CYBB: variants seen among roughly 807,000 people sequenced by gnomAD.
CYBB encodes NADPH oxidase 2.
A neutral mutation model predicts 46.5 loss-of-function variants in CYBB; 5 were observed. The observed-to-expected ratio is 0.11, with a 90% CI of 0.06 to 0.23. The LOEUF (loss-of-function observed/expected upper bound fraction) is 0.23, where lower values mean the gene tolerates loss of function less well. CYBB is among the 10% of genes least tolerant of loss of function. CYBB has a pLI of 1.00. For synonymous variants in CYBB, 183 were observed against 156.7 expected (o/e 1.17, Z -1.26); for missense variants, 307 against 428.3 (o/e 0.72, Z 2.50).
chrX:37,807,400 T>C (rs1423186724), intron 11 of CYBB, among the ~76,000 whole-genome samples: 2 of 110,355 alleles, frequency 1.8e-5, no homozygotes, highest in African/African-American at 6.5e-5. Context: ...TCATTTAATT[T>C]ATATGCTTTT....
intron 3 of CYBB, among the ~76,000 whole-genome samples, chrX:37,787,861 G>C (rs1380859341): frequency 1.8e-5 from 2 of 111,262 alleles, no homozygotes; most frequent in Non-Finnish European, 3.8e-5. Flanking sequence ...TTTTGGATTT[G>C]TTTGCCATTC....
At chrX:37,780,506 T>TA (rs1928927284) in intron 1 of CYBB, among the ~76,000 whole-genome samples, 1 of 111,575 alleles carries the variant, frequency 9.0e-6, no homozygotes, top group East Asian at 2.8e-4. Context: ...ATTTTCTAAA[T>TA]AAAAAATATA....
intron 3 of CYBB, among the ~76,000 whole-genome samples, chrX:37,789,584 G>GA (rs1556466383): frequency 9.7e-6 from 1 of 103,279 alleles, no homozygotes; most frequent in Non-Finnish European, 2.0e-5. Context: ...TGGGAAACAG[G>GA]AAAAAGTTAT....
chrX:37,801,277 C>A lies in CYBB; in HGVS notation c.826C>A (p.Pro276Thr), dbSNP rs1556469826. ...ACAGACTTGGAAATGGATAGTGGGT[C>A]CCATGTTTCTGTATCTCTGTGAGAG... ...PPMTWKWIVG[P>T]MFLYLCERLV... Residue 276 changes from proline to threonine, a missense_variant, in exon 8 of 13, where the codon CCC (proline) becomes ACC (threonine). Pro to Thr is a conservative substitution (Grantham distance 38, BLOSUM62 -1). Around this residue, in one of 3 missense-constraint regions of CYBB, gnomAD observed 82 missense variants for 69.9 expected, o/e 1.17. Transcript: ENST00000378588. 1 of 1,206,982 alleles carries A rather than the reference C, an allele frequency of 8.3e-7. No individual in the cohort carries two copies. The highest frequency in any genetic ancestry group is 1.1e-6 in the Non-Finnish European group (1 of 891,726).
intron 2 of CYBB, among the ~76,000 whole-genome samples, chrX:37,782,928 C>T (rs1928983492): frequency 8.9e-6 from 1 of 111,871 alleles, no homozygotes; most frequent in Non-Finnish European, 1.9e-5. Context: ...TATGCAACTT[C>T]TTTAGACATT....
intron 6 of CYBB, 111 bp from the exon 7 acceptor site, chrX:37,798,844 A>G: frequency 1.3e-6 from 1 of 790,836 alleles, no homozygotes; most frequent in Admixed American, 2.7e-5. Context: ...ATCGCTTTTA[A>G]GTGAAAAGTA....
intron 9 of CYBB, among the ~76,000 whole-genome samples, chrX:37,804,370 T>G (rs1929509492): frequency 8.9e-6 from 1 of 111,823 alleles, no homozygotes; most frequent in Admixed American, 9.5e-5. Context: ...CCAAATTCCT[T>G]TAAATATGTA....
rs782621800 is a variant in CYBB, at chrX:37,793,829, G to A, written c.483+19G>A. 1 of 1,187,471 alleles carries A rather than the reference G, an allele frequency of 8.4e-7. No individual in the cohort carries two copies. Among genetic ancestry groups the A allele is most frequent in the Non-Finnish European group, 1.1e-6 (1 of 878,570 alleles). On this transcript the variant is annotated intron_variant, in intron 5 of 12. Coordinates refer to ENST00000378588, the MANE Select transcript of CYBB (RefSeq NM_000397.4). ...AATAAAGGTAAGCCTCTCATTATCT[G>A]ACTTAGATATTCTCTAGGCCATTAC...
At chrX:37,793,894 T>C in intron 5 of CYBB, 84 bp downstream of exon 5, 1 of 939,745 alleles carries the variant, frequency 1.1e-6, no homozygotes, top group East Asian at 3.1e-5. Flanking sequence ...ACCTCTCCTT[T>C]GCCAAAAAAA....
chrX:37,795,061 A>T (rs1929273928), intron 5 of CYBB, among the ~76,000 whole-genome samples: 1 of 111,698 alleles, frequency 9.0e-6, no homozygotes, highest in Non-Finnish European at 1.9e-5. Context: ...CTACACTATC[A>T]TGCTCTATTC....
At chrX:37,783,122 T>C (rs1928988741) in intron 2 of CYBB, among the ~76,000 whole-genome samples, 1 of 111,396 alleles carries the variant, frequency 9.0e-6, no homozygotes, top group Admixed American at 9.6e-5. Flanking sequence ...TACTTTGAAA[T>C]GCATCAAAAA....
rs782726152 is a variant in CYBB, at chrX:37,791,969, C to A, written c.253-6C>A. 8.4e-7 allele frequency: 1 copy of A among 1,194,205 alleles called. No individual in the cohort carries two copies. The highest frequency in any genetic ancestry group is 1.1e-6 in the Non-Finnish European group (1 of 879,761). Reference sequence around the variant, plus strand: ...ACTATTCCATTCTTTCCCCCTTAATCCAAAGTGCTGCTCAACAAGAGTTCG... The same window carrying A: ...ACTATTCCATTCTTTCCCCCTTAATACAAAGTGCTGCTCAACAAGAGTTCG... On this transcript the variant is annotated splice_region_variant and splice_polypyrimidine_tract_variant and intron_variant, in intron 3 of 12. Transcript: ENST00000378588.
chrX:37,787,893 G>A (rs1381613196), intron 3 of CYBB, among the ~76,000 whole-genome samples: 2 of 111,696 alleles, frequency 1.8e-5, no homozygotes, highest in Middle Eastern at 4.2e-3. Flanking sequence ...AAAGAGGGTA[G>A]GTGGGAAAAA....
At chrX:37,782,582 C>T (rs781899567) in intron 2 of CYBB, among the ~76,000 whole-genome samples, 11 of 112,229 alleles carry the variant, frequency 9.8e-5, no homozygotes, top group Non-Finnish European at 1.7e-4. Flanking sequence ...AGCTCTGCTC[C>T]TAATCACATG....
intron 9 of CYBB, among the ~76,000 whole-genome samples, 187 bp downstream of exon 9, chrX:37,804,317 T>A (rs1556470928): frequency 8.9e-6 from 1 of 111,896 alleles, no homozygotes; most frequent in African/African-American, 3.3e-5. Context: ...AAATCTTATG[T>A]GAAATATGAA....
At chrX:37,808,811 T>C (rs1307476996) in intron 11 of CYBB, among the ~76,000 whole-genome samples, 1 of 112,703 alleles carries the variant, frequency 8.9e-6, no homozygotes, top group Non-Finnish European at 1.9e-5. Context: ...TTTATTTGTA[T>C]TGAAAAAGTA....
At position 37,810,886 on chromosome X, in the gene CYBB, T is replaced by G. The variant is rs760011628; in HGVS notation, c.1682T>G (p.Val561Gly). The change falls in exon 13 of 13, where the codon GTG becomes GGG. Residue 561 changes from valine to glycine, a missense_variant. Transcript: ENST00000378588. ...AACTCTGAGTCTGGCCCTCGGGGAG[T>G]GCATTTCATTTTCAACAAGGAAAAC... ...ISNSESGPRG[V>G]HFIFNKENF 3.3e-6 allele frequency: 4 copies of G among 1,205,215 alleles called. No individual in the cohort carries two copies. In the African/African-American group the frequency reaches 7.1e-5, roughly 21 times the overall value.
rs73472177 is a variant in CYBB, at chrX:37,784,151, G to T, written c.252+551G>T. On this transcript the variant is annotated intron_variant, in intron 3 of 12. Coordinates refer to ENST00000378588, the MANE Select transcript of CYBB (RefSeq NM_000397.4). ...CCAACAATTTAGTAAGCCACTAAAT[G>T]TACTGTGCTAGAAGGGGGAAAAAAT... 6.4e-3 allele frequency among the ~76,000 whole-genome samples: 716 copies of T among 111,547 alleles called. 4 individuals carry two copies. The highest frequency in any genetic ancestry group is 0.023 in the African/African-American group (693 of 30,624).
chrX:37,781,880 A>G (rs1172595603), intron 1 of CYBB, among the ~76,000 whole-genome samples: 3 of 111,856 alleles, frequency 2.7e-5, no homozygotes, highest in Non-Finnish European at 5.6e-5. Context: ...ATCATGGGGA[A>G]CAACACAGGG....
Sources: allele counts gnomAD v4.1 joint callset (sites outside exome capture counted in the v4.1 genomes callset), GRCh38; gene constraint gnomAD v4.1.1; regional missense constraint gnomAD v4.1.1; transcripts MANE v1.5; gene names NCBI Gene and HGNC (gene_info 2026-07-23, HGNC 2026-07-21).